KCNN2: variants seen among roughly 807,000 people sequenced by gnomAD.
The protein encoded by KCNN2 is small conductance calcium-activated potassium channel protein 2.
A neutral mutation model predicts 55.5 loss-of-function variants in KCNN2; 24 were observed. The ratio of observed to expected loss-of-function variants is 0.43; its 90% confidence interval spans 0.31 to 0.61. The LOEUF (loss-of-function observed/expected upper bound fraction) is 0.61. Among genes scored for constraint, KCNN2 ranks in the 20% least tolerant of loss-of-function variants. The pLI is 0.08. For missense variants in KCNN2, 754 were observed against 853.6 expected (o/e 0.88, Z 1.45); for synonymous variants, 431 against 336.1 (o/e 1.28, Z -3.09).
intron 2 of KCNN2, among the ~76,000 whole-genome samples, chr5:114,312,266 G>C (rs918135809): frequency 6.6e-6 from 1 of 151,084 alleles, no homozygotes; most frequent in African/African-American, 2.4e-5. Flanking sequence ...AGGCTGTCCA[G>C]GCATTTTCAA....
chr5:114,412,529 C>T (rs557456727), intron 3 of KCNN2, among the ~76,000 whole-genome samples: 1 of 152,288 alleles, frequency 6.6e-6, no homozygotes, highest in Non-Finnish European at 1.5e-5. Flanking sequence ...AGCCAGTTGT[C>T]ATGGAGGAAG....
chr5:114,138,316 G>T (rs1752211602), intron 1 of KCNN2, among the ~76,000 whole-genome samples: 1 of 152,116 alleles, frequency 6.6e-6, no homozygotes, highest in Non-Finnish European at 1.5e-5. Flanking sequence ...TGAGCTCTAG[G>T]AGGGCAGGGC....
At chr5:114,200,202 T>C (rs914187789) in intron 1 of KCNN2, among the ~76,000 whole-genome samples, 3 of 151,504 alleles carry the variant, frequency 2.0e-5, no homozygotes, top group Non-Finnish European at 2.9e-5. Flanking sequence ...TTTAAAATAC[T>C]TTTTTTTTAT....
chr5:114,085,211 C>T (rs1379549446), intron 1 of KCNN2, among the ~76,000 whole-genome samples: 6 of 151,820 alleles, frequency 4.0e-5, no homozygotes, highest in South Asian at 4.2e-4. Flanking sequence ...GGTCTTTTCC[C>T]TTTCCATATA....
At chr5:114,344,364 G>A (rs1757070990) in intron 2 of KCNN2, among the ~76,000 whole-genome samples, 1 of 152,196 alleles carries the variant, frequency 6.6e-6, no homozygotes, top group African/African-American at 2.4e-5. Context: ...AGATGGAAAG[G>A]AAGAGTGTAG....
intron 2 of KCNN2, among the ~76,000 whole-genome samples, chr5:114,346,011 G>A (rs898757778): frequency 7.9e-5 from 12 of 152,034 alleles, no homozygotes; most frequent in African/African-American, 2.2e-4. Context: ...TCCAACTCCC[G>A]ACCTTAAGTG....
At chr5:114,391,451 G>T (rs1263212894) in intron 2 of KCNN2, among the ~76,000 whole-genome samples, 2 of 152,088 alleles carry the variant, frequency 1.3e-5, no homozygotes, top group African/African-American at 2.4e-5. Flanking sequence ...CACTCAGCTA[G>T]TAAGTGGTCA....
At chr5:114,400,654 C>A (rs997115762) in intron 2 of KCNN2, among the ~76,000 whole-genome samples, 14 of 152,194 alleles carry the variant, frequency 9.2e-5, no homozygotes, top group African/African-American at 3.4e-4. Flanking sequence ...TCATGCTGCC[C>A]CTTGATCATT....
At chr5:114,295,805 A>C (rs1200523545) in intron 2 of KCNN2, among the ~76,000 whole-genome samples, 6 of 152,160 alleles carry the variant, frequency 3.9e-5, no homozygotes, top group Admixed American at 3.9e-4. Context: ...TCACACTGGG[A>C]GCTGTAGACT....
At chr5:114,073,720 G>T (rs1162555377) in intron 1 of KCNN2, among the ~76,000 whole-genome samples, 8 of 152,188 alleles carry the variant, frequency 5.3e-5, no homozygotes, top group Non-Finnish European at 1.0e-4. Context: ...TCAGTTCATT[G>T]TTGTGTTCCC....
At chr5:114,075,816 C>CT (rs1364331107) in intron 1 of KCNN2, among the ~76,000 whole-genome samples, 1 of 152,148 alleles carries the variant, frequency 6.6e-6, no homozygotes, top group Non-Finnish European at 1.5e-5. Flanking sequence ...ACCCATGCTG[C>CT]TACTTCTATG....
chr5:114,172,690 A>G (rs1753062981), intron 1 of KCNN2, among the ~76,000 whole-genome samples: 1 of 150,860 alleles, frequency 6.6e-6, no homozygotes, highest in African/African-American at 2.4e-5. Context: ...TCTGATGATC[A>G]GTGATGCTGA....
At chr5:114,373,335 T>G (rs1291421161) in intron 2 of KCNN2, among the ~76,000 whole-genome samples, 1 of 151,858 alleles carries the variant, frequency 6.6e-6, no homozygotes. Flanking sequence ...ATAGAAACAA[T>G]GGGAAAGCAA....
intron 2 of KCNN2, among the ~76,000 whole-genome samples, chr5:114,349,317 G>C (rs1029594653): frequency 6.6e-6 from 1 of 151,998 alleles, no homozygotes; most frequent in Non-Finnish European, 1.5e-5. Flanking sequence ...ACTTTGGAAT[G>C]CTCCACAGTT....
intron 1 of KCNN2, among the ~76,000 whole-genome samples, chr5:114,153,975 T>G (rs1395088983): frequency 1.3e-5 from 2 of 152,208 alleles, no homozygotes; most frequent in Admixed American, 1.3e-4. Flanking sequence ...GGCATTACTC[T>G]CTCCTAGTCC....
chr5:114,159,578 G>A (rs1416996003), intron 1 of KCNN2, among the ~76,000 whole-genome samples: 1 of 152,162 alleles, frequency 6.6e-6, no homozygotes, highest in African/African-American at 2.4e-5. Context: ...TGAAGGAATG[G>A]TACCAGTTCC....
chr5:114,361,663 C>T (rs1325918990), upstream of KCNN2, among the ~76,000 whole-genome samples: 1 of 152,160 alleles, frequency 6.6e-6, no homozygotes, highest in Non-Finnish European at 1.5e-5. Context: ...GCCAAGGTGG[C>T]CCGACGTGCT....
chr5:114,306,921 C>G (rs1036729415), intron 2 of KCNN2, among the ~76,000 whole-genome samples: 6 of 152,012 alleles, frequency 3.9e-5, no homozygotes, highest in African/African-American at 1.4e-4. Flanking sequence ...CCAGGCTGGT[C>G]TTGAACTCCT....
chr5:114,234,388 A>G (rs1754429393), intron 2 of KCNN2, among the ~76,000 whole-genome samples: 1 of 152,230 alleles, frequency 6.6e-6, no homozygotes, highest in Non-Finnish European at 1.5e-5. Context: ...TGAGACAGAC[A>G]TGCACAGTTT....
Sources: gnomAD v4.1 joint callset for allele counts (sites outside exome capture counted in the v4.1 genomes callset) on GRCh38, gnomAD v4.1.1 for gene constraint, MANE v1.5 for transcripts, NCBI Gene and HGNC (gene_info 2026-07-23, HGNC 2026-07-21) for gene names.